ITGBL1: variants seen among roughly 807,000 people sequenced by gnomAD.
ITGBL1 encodes the protein integrin beta-like protein 1.
ITGBL1 carries 51 observed loss-of-function variants against 68.5 expected under a neutral mutation model. The ratio of observed to expected loss-of-function variants is 0.74; its 90% CI spans 0.59 to 0.94. The LOEUF (loss-of-function observed/expected upper bound fraction) is 0.94. Among genes scored for constraint, ITGBL1 ranks in the 40% least tolerant of loss-of-function variants. The pLI, the probability that ITGBL1 is intolerant of heterozygous loss-of-function variation, is 0.00. For synonymous variants in ITGBL1, 209 were observed against 227.3 expected (o/e 0.92, Z 0.72); for missense variants, 649 against 647.4 (o/e 1.00, Z -0.03).
intron 7 of ITGBL1, among the ~76,000 whole-genome samples, chr13:101,677,111 G>A (rs982408731): frequency 1.2e-4 from 19 of 152,210 alleles, no homozygotes; most frequent in African/African-American, 1.9e-4. Flanking sequence ...GCGACAGAGC[G>A]AGACTCTCTT....
intron 7 of ITGBL1, among the ~76,000 whole-genome samples, chr13:101,604,207 T>A (rs1186753854): frequency 6.6e-6 from 1 of 151,948 alleles, no homozygotes; most frequent in Non-Finnish European, 1.5e-5. Context: ...AATTTTTTAA[T>A]ATGTAGAACA....
intron 2 of ITGBL1, among the ~76,000 whole-genome samples, chr13:101,515,286 T>G (rs1347072255): frequency 6.6e-6 from 1 of 152,124 alleles, no homozygotes; most frequent in African/African-American, 2.4e-5. Flanking sequence ...GTACAATTTT[T>G]TATCACAAGC....
In ITGBL1 at chr13:101,554,560, T is replaced by A. The variant is rs1296081196; in HGVS notation, c.317-13139T>A. 2.6e-5 allele frequency among the ~76,000 whole-genome samples: 4 copies of A among 152,226 alleles called. No homozygotes were observed. The East Asian group carries it at 7.7e-4, about 29-fold the overall frequency. ...TTTGAAGCAATTATGGTTGTTCTCA[T>A]GAGCCATGCTGCGTCTGTGGAACAT... On this transcript the variant is annotated intron_variant, in intron 2 of 10. Transcript: ENST00000376180.
chr13:101,452,963 C>A, intron 1 of ITGBL1, 32 bp downstream of exon 1: 1 of 1,564,250 alleles, frequency 6.4e-7, no homozygotes, highest in Non-Finnish European at 8.8e-7. Context: ...TCAGTACAGA[C>A]CTGCCCTGCT....
intron 2 of ITGBL1, among the ~76,000 whole-genome samples, chr13:101,542,690 T>A (rs1430888784): frequency 2.0e-5 from 3 of 152,242 alleles, no homozygotes; most frequent in Admixed American, 6.5e-5. Context: ...TGTGGGAGTC[T>A]AAGTTTCTTT....
chr13:101,589,766 A>T (rs1034317465), intron 6 of ITGBL1, among the ~76,000 whole-genome samples: 26 of 152,206 alleles, frequency 1.7e-4, no homozygotes, highest in African/African-American at 6.0e-4. Context: ...AAGTAAGGAC[A>T]CATATATATT....
At position 101,537,431 on chromosome 13, in the gene ITGBL1, G is replaced by A. The variant is rs571182748; in HGVS notation, c.317-30268G>A. The stretch of plus-strand genomic sequence containing the variant: ...GAAAAATATAACATTTCAAAGGAAG[G>A]CTTTGAACTCAGTCATGAAGTCTGA... On this transcript the variant is annotated intron_variant, in intron 2 of 10. Coordinates refer to ENST00000376180, the MANE Select transcript of ITGBL1 (RefSeq NM_004791.3). Among the ~76,000 whole-genome samples, 3 of 152,038 alleles carry A rather than the reference G, an allele frequency of 2.0e-5. No individual in the cohort carries two copies. In the South Asian group the frequency reaches 6.2e-4, roughly 32 times the overall value.
In ITGBL1 at chr13:101,569,025, A is replaced by AACACACACAC. The variant is rs112814235; in HGVS notation, c.463+1217_463+1226dup. 9.9e-3 allele frequency among the ~76,000 whole-genome samples: 1,027 copies of AACACACACAC among 103,686 alleles called. 49 individuals are homozygous for AACACACACAC. The highest frequency in any genetic ancestry group is 0.024 in the East Asian group (70 of 2,964). 68.0% of individuals were successfully genotyped at this position (103,686 alleles called of 152,430 possible). Reference sequence around the variant, plus strand: ...CCAATTCATAACACCCACCCCTCCAAACACACACACACACACACACACACA... The same window carrying AACACACACAC: ...CCAATTCATAACACCCACCCCTCCAAACACACACACACACACACACACACACACACACACA... On this transcript the variant is annotated intron_variant, in intron 3 of 10. Transcript: ENST00000376180.
chr13:101,631,558 G>A (rs947317584), intron 7 of ITGBL1, among the ~76,000 whole-genome samples: 2 of 152,166 alleles, frequency 1.3e-5, no homozygotes, highest in Non-Finnish European at 2.9e-5. Flanking sequence ...CATAGATGAT[G>A]TTGAAATTTT....
At chr13:101,709,158 G>T (rs1462942237) in intron 9 of ITGBL1, among the ~76,000 whole-genome samples, 3 of 151,764 alleles carry the variant, frequency 2.0e-5, no homozygotes, top group African/African-American at 7.3e-5. Context: ...GAGGTCAGGA[G>T]ATCGAGACCA....
In ITGBL1 at chr13:101,530,684, G is replaced by A. The variant is rs148333060; in HGVS notation, c.317-37015G>A. On this transcript the variant is annotated intron_variant, in intron 2 of 10. Coordinates refer to ENST00000376180, the MANE Select transcript of ITGBL1 (RefSeq NM_004791.3). The stretch of plus-strand genomic sequence containing the variant: ...ATCTAAATTTGTTTGAATATGTTTG[G>A]TAATTTACATATGTAGCCTTTAGCT... 2.3e-3 allele frequency among the ~76,000 whole-genome samples: 353 copies of A among 152,172 alleles called. 2 individuals carry two copies. Among genetic ancestry groups the A allele is most frequent in the Non-Finnish European group, 2.9e-3 (198 of 68,010 alleles).
chr13:101,558,162 T>C (rs1348811288), intron 2 of ITGBL1, among the ~76,000 whole-genome samples: 1 of 147,772 alleles, frequency 6.8e-6, no homozygotes, highest in African/African-American at 2.5e-5. Flanking sequence ...AAAGCAAGGA[T>C]TACTTTTATT....
downstream of ITGBL1, chr13:101,720,746 A>C (rs1284828923): frequency 7.6e-6 from 1 of 132,356 alleles, no homozygotes; most frequent in Non-Finnish European, 1.5e-5. Context: ...TTCCTGTTAA[A>C]AACAATAGGC....
intron 7 of ITGBL1, among the ~76,000 whole-genome samples, chr13:101,623,514 T>G (rs2031665326): frequency 6.6e-6 from 1 of 152,210 alleles, no homozygotes; most frequent in African/African-American, 2.4e-5. Context: ...ATTATTTTTA[T>G]AAAAGGCTGA....
intron 2 of ITGBL1, among the ~76,000 whole-genome samples, chr13:101,463,754 A>G (rs1414195805): frequency 6.6e-6 from 1 of 151,900 alleles, no homozygotes; most frequent in Non-Finnish European, 1.5e-5. Flanking sequence ...AACTGCAGAA[A>G]GCAACACAAT....
intron 4 of ITGBL1, among the ~76,000 whole-genome samples, chr13:101,579,011 T>A (rs1430142266): frequency 6.6e-6 from 1 of 152,222 alleles, no homozygotes; most frequent in Admixed American, 6.5e-5. Context: ...TAATAGACTG[T>A]CATGGTCATT....
chr13:101,567,925 A>T, intron 3 of ITGBL1, 80 bp downstream of exon 3: 1 of 1,116,326 alleles, frequency 9.0e-7, no homozygotes. Flanking sequence ...GCGTGGAGAA[A>T]TGTTGAATCT....
chr13:101,706,104 A>G (rs1397022485), intron 8 of ITGBL1, among the ~76,000 whole-genome samples: 4 of 152,226 alleles, frequency 2.6e-5, no homozygotes, highest in South Asian at 2.1e-4. Flanking sequence ...CACAAATACA[A>G]TGTTACATAT....
At chr13:101,535,756 C>G (rs1283345023) in intron 2 of ITGBL1, among the ~76,000 whole-genome samples, 1 of 152,016 alleles carries the variant, frequency 6.6e-6, no homozygotes, top group Non-Finnish European at 1.5e-5. Context: ...TGATTTGATT[C>G]CAAAAACTTT....
Sources: gnomAD v4.1 joint callset for allele counts (sites outside exome capture counted in the v4.1 genomes callset) on GRCh38, gnomAD v4.1.1 for gene constraint, MANE v1.5 for transcripts, NCBI Gene and HGNC (gene_info 2026-07-23, HGNC 2026-07-21) for gene names.